RABGAP1: variants seen among roughly 807,000 people sequenced by gnomAD.
RABGAP1 encodes the protein rab GTPase-activating protein 1.
A neutral mutation model predicts 137.6 loss-of-function variants in RABGAP1; 23 were observed. The ratio of observed to expected loss-of-function variants is 0.17; its 90% CI spans 0.12 to 0.24. RABGAP1 has a LOEUF of 0.24. RABGAP1 is among the 10% of genes least tolerant of loss of function. The probability of loss-of-function intolerance (pLI) is 1.00; values close to 1 mark genes in which losing one functional copy is unlikely to be tolerated. For synonymous variants in RABGAP1, 451 were observed against 450.7 expected, an observed-to-expected ratio of 1.00 and a Z score of -0.01; for missense variants, 906 against 1,275.8, an observed-to-expected ratio of 0.71 and a Z score of 4.42.
At chr9:123,042,541 A>G (rs1665574639) in intron 13 of RABGAP1, among the ~76,000 whole-genome samples, 1 of 152,206 alleles carries the variant, frequency 6.6e-6, no homozygotes, top group Non-Finnish European at 1.5e-5. Context: ...GTAAAAATGA[A>G]TAGGAAGAGA....
At chr9:123,083,802 T>C (rs1320546743) in intron 19 of RABGAP1, among the ~76,000 whole-genome samples, 1 of 152,230 alleles carries the variant, frequency 6.6e-6, no homozygotes, top group African/African-American at 2.4e-5. Flanking sequence ...CAGAATAAGA[T>C]GATGCCTTTA....
chr9:123,029,425 G>A, intron 13 of RABGAP1: 1 of 1,546,648 alleles, frequency 6.5e-7, no homozygotes, highest in East Asian at 2.3e-5. Context: ...TGGTATTTCT[G>A]GTGTAAATTA....
At chr9:122,953,657 C>G (rs1281349616) in intron 1 of RABGAP1, among the ~76,000 whole-genome samples, 1 of 152,202 alleles carries the variant, frequency 6.6e-6, no homozygotes, top group Non-Finnish European at 1.5e-5. Flanking sequence ...CCTTGACCTC[C>G]CAAAGTGCTG....
intron 10 of RABGAP1, among the ~76,000 whole-genome samples, chr9:123,009,739 A>G (rs1163735004): frequency 6.6e-6 from 1 of 152,168 alleles, no homozygotes; most frequent in African/African-American, 2.4e-5. Flanking sequence ...AGTTGGAGTA[A>G]TCAACATTTT....
rs1402510773 is a variant in RABGAP1, at chr9:123,076,345, A to C, written c.2295+59A>C. ...ATTCCCTGCTCTGCACTTGCAATAC[A>C]TTGGTTGTAGTCTCATTCTGAGCAG... On this transcript the variant is annotated intron_variant, in intron 18 of 25. Coordinates refer to ENST00000373647, the MANE Select transcript of RABGAP1 (RefSeq NM_012197.4). 9 of 1,541,312 alleles carry C rather than the reference A, an allele frequency of 5.8e-6. No individual in the cohort carries two copies. The East Asian group carries it at 9.0e-5, about 15-fold the overall frequency.
intron 13 of RABGAP1, among the ~76,000 whole-genome samples, chr9:123,021,799 G>A (rs1564139415): frequency 6.6e-6 from 1 of 152,150 alleles, no homozygotes; most frequent in African/African-American, 2.4e-5. Context: ...TTATCGTTGA[G>A]TAACTGTTAC....
chr9:123,099,505 G>C lies in RABGAP1; in HGVS notation c.2845G>C (p.Glu949Gln). 1 of 1,612,852 alleles carries C rather than the reference G, an allele frequency of 6.2e-7. No individual in the cohort carries two copies. Among genetic ancestry groups the C allele is most frequent in the Non-Finnish European group, 8.5e-7 (1 of 1,178,906 alleles). Reference protein sequence around the residue: ...QICSQLSERLEKQQTANKVEI... With the variant: ...QICSQLSERLQKQQTANKVEI... ...TTGTTCTCAGTTGAGTGAAAGATTG[G>C]AGAAGCAGCAGACAGCCAATAAGGT... The change falls in exon 24 of 26, where the codon GAG (glutamate) becomes CAG (glutamine). Residue 949 changes from glutamate to glutamine, a missense_variant. By Grantham distance (29) the Glu-to-Gln change is conservative. Coordinates refer to ENST00000373647, the MANE Select transcript of RABGAP1 (RefSeq NM_012197.4).
chr9:122,982,860 A>G (rs1235887764), intron 2 of RABGAP1, among the ~76,000 whole-genome samples: 2 of 152,088 alleles, frequency 1.3e-5, no homozygotes, highest in South Asian at 2.1e-4. Flanking sequence ...ACATAGTGAT[A>G]TGATGTCACT....
At chr9:122,990,378 A>G (rs1836604841) in intron 6 of RABGAP1, 165 bp downstream of exon 6, 1 of 518,972 alleles carries the variant, frequency 1.9e-6, no homozygotes, top group African/African-American at 2.0e-5. Flanking sequence ...ACAGAGGCAA[A>G]GTTTGAAGAA....
chr9:122,957,013 A>G lies in RABGAP1; in HGVS notation c.-47A>G. On this transcript the variant is annotated splice_region_variant and 5_prime_UTR_variant, in exon 2 of 26. Transcript: ENST00000373647. The stretch of plus-strand genomic sequence containing the variant: ...TCTTTATGGTTTTTGTTTTTCAGGC[A>G]TTAAAAAATATTTAATCATTCATGT... The G allele has an allele frequency of 7.2e-7, 1 of 1,391,488 alleles. No homozygotes were observed. Among genetic ancestry groups the G allele is most frequent in the Non-Finnish European group, 9.5e-7 (1 of 1,051,702 alleles). The allele number at this position is 1,391,488 out of a possible 1,614,324, so 86.2% of individuals were successfully genotyped here.
At chr9:123,063,315 TTCTC>T (rs1442937864) in intron 13 of RABGAP1, 1 of 152,898 alleles carries the variant, frequency 6.5e-6, no homozygotes. Flanking sequence ...ATTCATCTGA[TTCTC>T]TCTGGATTGT....
At chr9:123,023,395 C>T (rs907930427) in intron 13 of RABGAP1, among the ~76,000 whole-genome samples, 4 of 151,964 alleles carry the variant, frequency 2.6e-5, no homozygotes, top group African/African-American at 7.2e-5. Context: ...TGGCTAGGCT[C>T]GTCTCGAACT....
intron 1 of RABGAP1, among the ~76,000 whole-genome samples, chr9:122,948,845 C>G (rs1834072997): frequency 6.6e-6 from 1 of 152,100 alleles, no homozygotes; most frequent in African/African-American, 2.4e-5. Flanking sequence ...ATTTGTTTTC[C>G]TCATATTACT....
At chr9:122,989,188 C>G (rs1836532734) in intron 4 of RABGAP1, 109 bp from the exon 5 acceptor site, 1 of 1,021,198 alleles carries the variant, frequency 9.8e-7, no homozygotes, top group Admixed American at 2.1e-5. Flanking sequence ...ATCAGCATAC[C>G]AAATATATGA....
chr9:122,986,422 G>T lies in RABGAP1; in HGVS notation c.590+3G>T. Reference sequence around the variant, plus strand: ...AATGTGTCTGAAGGAATTGTGAGGTGAGACTGGTTTGTTGAAATCTTTCGA... The same window carrying T: ...AATGTGTCTGAAGGAATTGTGAGGTTAGACTGGTTTGTTGAAATCTTTCGA... On this transcript the variant is annotated splice_donor_region_variant and intron_variant, in intron 4 of 25. Coordinates refer to ENST00000373647, the MANE Select transcript of RABGAP1 (RefSeq NM_012197.4). 6.2e-7 allele frequency: 1 copy of T among 1,613,542 alleles called. No individual in the cohort carries two copies. Among genetic ancestry groups the T allele is most frequent in the Non-Finnish European group, 8.5e-7 (1 of 1,179,464 alleles).
intron 13 of RABGAP1, among the ~76,000 whole-genome samples, chr9:123,046,079 C>T (rs970381073): frequency 4.6e-5 from 7 of 152,130 alleles, no homozygotes; most frequent in Non-Finnish European, 8.8e-5. Context: ...TTAAGTACTG[C>T]CTTGATAGTT....
chr9:123,099,593 AT>A, intron 24 of RABGAP1, 44 bp downstream of exon 24: 1 of 1,518,422 alleles, frequency 6.6e-7, no homozygotes, highest in Non-Finnish European at 9.1e-7. Context: ...CACCTACTTC[AT>A]TTTATGGCTG....
chr9:123,040,424 T>C (rs2032896955), intron 13 of RABGAP1, among the ~76,000 whole-genome samples: 1 of 152,214 alleles, frequency 6.6e-6, no homozygotes, highest in African/African-American at 2.4e-5. Flanking sequence ...GGTTCTGTAA[T>C]GTGAACATTA....
chr9:122,967,046 G>T lies in RABGAP1; in HGVS notation c.150+9837G>T, dbSNP rs1835196341. Reference sequence around the variant, plus strand: ...AGTTACAATTCAAAATGAGATTTGGGTGGGGACACAGCCAAACCGTATCAC... The same window carrying T: ...AGTTACAATTCAAAATGAGATTTGGTTGGGGACACAGCCAAACCGTATCAC... On this transcript the variant is annotated intron_variant, in intron 2 of 25. Transcript: ENST00000373647. 2.0e-5 allele frequency among the ~76,000 whole-genome samples: 3 copies of T among 152,186 alleles called. No homozygotes were observed. In the South Asian group the frequency reaches 6.2e-4, roughly 32 times the overall value.
Sources: allele counts gnomAD v4.1 joint callset (sites outside exome capture counted in the v4.1 genomes callset), GRCh38; gene constraint gnomAD v4.1.1; transcripts MANE v1.5; gene names NCBI Gene and HGNC (gene_info 2026-07-23, HGNC 2026-07-21).